Variants in CHCT1 observed in about 807,000 individuals in gnomAD.
The protein encoded by CHCT1 is CHD1 helical C-terminal domain containing 1.
chr17:60,426,083 G>T, the CHCT1 span: 1 of 1,455,866 alleles, frequency 6.9e-7, no homozygotes, highest in South Asian at 1.3e-5. Context: ...GGCCAGACCG[G>T]TGTGCTGGAT....
chr17:60,427,041 G>T, the CHCT1 span, among the ~76,000 whole-genome samples: 1 of 152,148 alleles, frequency 6.6e-6, no homozygotes, highest in African/African-American at 2.4e-5. Context: ...TTGATGCACG[G>T]GCAAGCCCGG....
the CHCT1 span, chr17:60,422,336 G>C: frequency 1.2e-6 from 1 of 844,224 alleles, no homozygotes; most frequent in East Asian, 4.0e-5. Context: ...CAAAGTCTTC[G>C]CTCGACCCCG....
At chr17:60,426,935 C>T in the CHCT1 span, 1 of 1,505,502 alleles carries the variant, frequency 6.6e-7, no homozygotes, top group South Asian at 1.3e-5. Context: ...CCAGGGCTCA[C>T]TGCCAGGGCA....
the CHCT1 span, chr17:60,429,358 G>A: frequency 6.2e-7 from 1 of 1,612,432 alleles, no homozygotes; most frequent in African/African-American, 1.3e-5. Flanking sequence ...AGGCTCCATG[G>A]CAGGTGACAT....
the CHCT1 span, chr17:60,422,669 G>A: frequency 1.6e-5 from 25 of 1,534,202 alleles, 1 homozygote; most frequent in East Asian, 7.4e-5. Context: ...AGGGAGGGAG[G>A]GAAGGAGGGT....
chr17:60,429,474 A>G, the CHCT1 span: 1 of 1,614,268 alleles, frequency 6.2e-7, no homozygotes, highest in Non-Finnish European at 8.5e-7. Flanking sequence ...AGCGGCATGA[A>G]GGAGCGGCTG....
the CHCT1 span, among the ~76,000 whole-genome samples, chr17:60,424,532 A>G: frequency 6.6e-6 from 1 of 152,362 alleles, no homozygotes; most frequent in East Asian, 1.9e-4. Flanking sequence ...AGCATGAATC[A>G]TGAGGTCAGC....
At chr17:60,431,112 T>C in the CHCT1 span, 2 of 1,076,146 alleles carry the variant, frequency 1.9e-6, no homozygotes, top group Non-Finnish European at 2.8e-6. Flanking sequence ...ACACCCCCCA[T>C]GTATTACAGA....
the CHCT1 span, chr17:60,431,293 C>T: frequency 1.3e-6 from 2 of 1,516,622 alleles, no homozygotes; most frequent in Non-Finnish European, 1.8e-6. Context: ...AAAGGGCCCG[C>T]TTGTCCTGGC....
the CHCT1 span, among the ~76,000 whole-genome samples, chr17:60,427,661 G>T: frequency 6.6e-6 from 1 of 152,172 alleles, no homozygotes; most frequent in African/African-American, 2.4e-5. Context: ...TGATCTGCCC[G>T]CCTCAGCTCC....
chr17:60,421,894 CTG>C, the CHCT1 span: 3 of 985,472 alleles, frequency 3.0e-6, no homozygotes, highest in Non-Finnish European at 3.6e-6. Context: ...TCAGCGCCTC[CTG>C]TGTGAAGCGG....
the CHCT1 span, among the ~76,000 whole-genome samples, chr17:60,430,179 A>G: frequency 8.6e-6 from 1 of 116,934 alleles, no homozygotes; most frequent in Non-Finnish European, 1.7e-5. Context: ...AGATGAGGCT[A>G]TTATTCAGCA....
the CHCT1 span, among the ~76,000 whole-genome samples, chr17:60,431,025 G>A: frequency 6.6e-6 from 1 of 152,176 alleles, no homozygotes; most frequent in African/African-American, 2.4e-5. Context: ...TCTCTACTGG[G>A]TTTCTGTGAG....
chr17:60,424,179 T>C, the CHCT1 span, among the ~76,000 whole-genome samples: 2 of 152,256 alleles, frequency 1.3e-5, no homozygotes, highest in African/African-American at 4.8e-5. Context: ...TCCACCCCCA[T>C]GACCCAAACA....
chr17:60,426,832 A>T, the CHCT1 span: 2 of 1,585,594 alleles, frequency 1.3e-6, no homozygotes, highest in Non-Finnish European at 8.6e-7. Flanking sequence ...GGCGCAAGAC[A>T]TTCCGCCCGA....
chr17:60,423,775 G>C, the CHCT1 span, among the ~76,000 whole-genome samples: 2 of 152,196 alleles, frequency 1.3e-5, no homozygotes, highest in Non-Finnish European at 2.9e-5. Context: ...CTAATTTTCA[G>C]CTTTCTTTGC....
chr17:60,421,425 G>A, the CHCT1 span: 1 of 985,676 alleles, frequency 1.0e-6, no homozygotes, highest in Non-Finnish European at 1.2e-6. Context: ...GGGTGGCAGG[G>A]GAGGCCCGGG....
At chr17:60,422,576 C>T in the CHCT1 span, 2 of 1,550,192 alleles carry the variant, frequency 1.3e-6, no homozygotes, top group Non-Finnish European at 1.7e-6. Flanking sequence ...CTGGAGCCTA[C>T]CGGCACACCT....
At chr17:60,429,379 G>A in the CHCT1 span, 7 of 1,613,420 alleles carry the variant, frequency 4.3e-6, no homozygotes, top group Admixed American at 5.0e-5. Flanking sequence ...TCTGCGCCTC[G>A]GATGCGCCGG....
Sources: allele counts gnomAD v4.1 joint callset (sites outside exome capture counted in the v4.1 genomes callset), GRCh38; gene constraint gnomAD v4.1.1; transcripts MANE v1.5; gene names NCBI Gene and HGNC (gene_info 2026-07-23, HGNC 2026-07-21).